The following RARB variants were observed in gnomAD, a reference collection of about 807,000 sequenced individuals.
RARB encodes retinoic acid receptor beta.
RARB carries 17 observed loss-of-function variants against 51.9 expected under a neutral mutation model. The ratio of observed to expected loss-of-function variants is 0.33; its 90% CI spans 0.22 to 0.49. The LOEUF (loss-of-function observed/expected upper bound fraction) is 0.49, where lower values mean the gene tolerates loss of function less well. Ranked by LOEUF, RARB falls within the 20% of genes least tolerant of loss-of-function variation. The probability of loss-of-function intolerance (pLI) is 0.99; values close to 1 mark genes in which losing one functional copy is unlikely to be tolerated. For synonymous variants in RARB, 215 were observed against 195.4 expected (o/e 1.10, Z -0.84); for missense variants, 369 against 550.8 (o/e 0.67, Z 3.30).
intron 2 of RARB, among the ~76,000 whole-genome samples, chr3:24,977,094 G>GCCT (rs1430332151): frequency 1.3e-5 from 2 of 151,964 alleles, no homozygotes; most frequent in Non-Finnish European, 2.9e-5. Flanking sequence ...TATTTTTGAG[G>GCCT]CCTCTGTTCT....
At chr3:25,172,222 C>T (rs913860407) in intron 4 of RARB, among the ~76,000 whole-genome samples, 18 of 152,242 alleles carry the variant, frequency 1.2e-4, no homozygotes, top group Non-Finnish European at 1.6e-4. Flanking sequence ...GCAAATATCA[C>T]GACTGCTCAC....
chr3:25,384,972 A>G (rs1030312467), intron 5 of RARB, among the ~76,000 whole-genome samples: 3 of 152,164 alleles, frequency 2.0e-5, no homozygotes, highest in Non-Finnish European at 4.4e-5. Flanking sequence ...GATGGCACCT[A>G]CAGTCTGTTT....
At chr3:24,882,644 G>C (rs1703190265) in intron 2 of RARB, among the ~76,000 whole-genome samples, 1 of 152,152 alleles carries the variant, frequency 6.6e-6, no homozygotes, top group African/African-American at 2.4e-5. Flanking sequence ...GTATTTACTA[G>C]AGAAGAACAG....
intron 2 of RARB, among the ~76,000 whole-genome samples, chr3:25,022,065 G>A (rs1455457542): frequency 6.6e-6 from 1 of 152,290 alleles, no homozygotes; most frequent in Non-Finnish European, 1.5e-5. Flanking sequence ...AAAATCCTAA[G>A]AGAGATAAGT....
chr3:24,931,936 G>C (rs1695450330), intron 2 of RARB, among the ~76,000 whole-genome samples: 1 of 152,072 alleles, frequency 6.6e-6, no homozygotes, highest in Non-Finnish European at 1.5e-5. Flanking sequence ...TATGCAGCCT[G>C]TTTCCAGACT....
chr3:25,565,429 G>A (rs931708798), intron 3 of RARB, among the ~76,000 whole-genome samples: 2 of 152,080 alleles, frequency 1.3e-5, no homozygotes, highest in Non-Finnish European at 2.9e-5. Flanking sequence ...TAATAATAGT[G>A]ATGCCAATAT....
intron 5 of RARB, among the ~76,000 whole-genome samples, chr3:25,292,366 C>A (rs1703810216): frequency 6.6e-6 from 1 of 152,106 alleles, no homozygotes; most frequent in African/African-American, 2.4e-5. Flanking sequence ...CAAAGTGGGG[C>A]ACACACAGCA....
chr3:25,481,977 A>G (rs1426123439), intron 2 of RARB, among the ~76,000 whole-genome samples: 3 of 152,314 alleles, frequency 2.0e-5, no homozygotes, highest in East Asian at 1.9e-4. Flanking sequence ...CAGAGAGGTT[A>G]TGTAACTTGT....
chr3:25,057,243 A>C (rs1559450229), intron 2 of RARB, among the ~76,000 whole-genome samples: 1 of 152,080 alleles, frequency 6.6e-6, no homozygotes, highest in Non-Finnish European at 1.5e-5. Flanking sequence ...TCAGGAATAG[A>C]AACTTAGGAT....
At chr3:25,235,652 C>T (rs2125392940) in intron 5 of RARB, among the ~76,000 whole-genome samples, 1 of 152,246 alleles carries the variant, frequency 6.6e-6, no homozygotes, top group South Asian at 2.1e-4. Context: ...TGGTTAACTG[C>T]TTTTCTATTA....
chr3:24,895,933 T>A (rs547281002), intron 2 of RARB, among the ~76,000 whole-genome samples: 1 of 152,306 alleles, frequency 6.6e-6, no homozygotes, highest in South Asian at 2.1e-4. Context: ...GCAGCATTAT[T>A]CACAATAGCC....
chr3:24,923,567 C>G (rs577914953), intron 2 of RARB, among the ~76,000 whole-genome samples: 1 of 151,748 alleles, frequency 6.6e-6, no homozygotes, highest in Non-Finnish European at 1.5e-5. Flanking sequence ...TGACAATTTG[C>G]TTTTTGAGAT....
intron 5 of RARB, among the ~76,000 whole-genome samples, chr3:25,272,427 C>T (rs1383359385): frequency 1.3e-5 from 2 of 152,210 alleles, no homozygotes; most frequent in African/African-American, 2.4e-5. Flanking sequence ...TCCTCTATAA[C>T]AGAGGCCTCT....
chr3:25,287,561 T>C (rs1376670910), intron 5 of RARB, among the ~76,000 whole-genome samples: 1 of 152,162 alleles, frequency 6.6e-6, no homozygotes, highest in Non-Finnish European at 1.5e-5. Context: ...ACTCTCGGCC[T>C]CCTTTAGTAT....
chr3:25,436,761 A>G (rs1287699643), intron 1 of RARB, among the ~76,000 whole-genome samples: 2 of 152,182 alleles, frequency 1.3e-5, no homozygotes, highest in Non-Finnish European at 2.9e-5. Context: ...AAGGGGGTAT[A>G]ATAATTTTCT....
chr3:25,159,264 G>T (rs573165129), intron 4 of RARB, among the ~76,000 whole-genome samples: 1 of 138,180 alleles, frequency 7.2e-6, no homozygotes, highest in African/African-American at 2.7e-5. Flanking sequence ...CCCCCTCCCC[G>T]GTTCAAGCAA....
intron 2 of RARB, among the ~76,000 whole-genome samples, chr3:24,968,905 C>A (rs753412264): frequency 2.0e-5 from 3 of 152,070 alleles, no homozygotes; most frequent in African/African-American, 4.8e-5. Flanking sequence ...CTTTCAGATT[C>A]ATATAAATCA....
At chr3:25,071,118 T>C (rs778177183) in intron 3 of RARB, among the ~76,000 whole-genome samples, 1 of 152,222 alleles carries the variant, frequency 6.6e-6, no homozygotes, top group Non-Finnish European at 1.5e-5. Context: ...CATTTAAAAG[T>C]AAGCTTCTTG....
At chr3:25,101,587 G>C (rs934888243) in intron 3 of RARB, among the ~76,000 whole-genome samples, 1 of 149,310 alleles carries the variant, frequency 6.7e-6, no homozygotes, top group Non-Finnish European at 1.5e-5. Flanking sequence ...AGGCAACACT[G>C]TATTATTTTG....
Sources: gnomAD v4.1 joint callset for allele counts (sites outside exome capture counted in the v4.1 genomes callset) on GRCh38, gnomAD v4.1.1 for gene constraint, MANE v1.5 for transcripts, NCBI Gene and HGNC (gene_info 2026-07-23, HGNC 2026-07-21) for gene names.